FAM20B: variants seen among roughly 807,000 people sequenced by gnomAD.
FAM20B encodes glycosaminoglycan xylosylkinase.
FAM20B carries 23 observed loss-of-function variants against 43.8 expected under a neutral mutation model. That is an observed-to-expected ratio of 0.53 (90% CI 0.38 to 0.74). FAM20B has a LOEUF of 0.74. FAM20B is among the 30% of genes least tolerant of loss of function. The probability of loss-of-function intolerance (pLI) is 0.00; values close to 1 mark genes in which losing one functional copy is unlikely to be tolerated. For synonymous variants in FAM20B, 178 were observed against 192.4 expected, an observed-to-expected ratio of 0.93 and a Z score of 0.62; for missense variants, 440 against 510.5, an observed-to-expected ratio of 0.86 and a Z score of 1.33.
At position 179,074,651 on chromosome 1, in the gene FAM20B, G is replaced by A. The variant is rs191552974; in HGVS notation, c.*2507G>A. The A allele has an allele frequency of 9.9e-5, 15 of 152,232 alleles. No individual in the cohort carries two copies. The highest frequency in any genetic ancestry group is 3.4e-4 in the African/African-American group (14 of 41,556). The allele number at this position is 152,232 out of a possible 1,614,324, so 9.4% of individuals were successfully genotyped here. ...TTTATTCCCATCTGTTTTCAAACTC[G>A]TGATCTTAAAAGGCATTCTGATGAT... On this transcript the variant is annotated 3_prime_UTR_variant, in exon 8 of 8. Transcript: ENST00000263733.
At chr1:179,064,172 C>T in intron 5 of FAM20B, 74 bp downstream of exon 5, 1 of 1,440,586 alleles carries the variant, frequency 6.9e-7, no homozygotes. Flanking sequence ...AAGGAGCCAG[C>T]AGTTCTGTCC....
chr1:179,064,052 C>T lies in FAM20B; in HGVS notation c.700C>T (p.His234Tyr), dbSNP rs749364307. The T allele has an allele frequency of 6.2e-6, 10 of 1,613,938 alleles. No individual in the cohort carries two copies. Among genetic ancestry groups the T allele is most frequent in the Admixed American group, 1.7e-5 (1 of 59,990 alleles). Reference protein sequence around the residue: ...WLPDVWPLQKHRHPWGRTYRE... With the variant: ...WLPDVWPLQKYRHPWGRTYRE... ...TCCAGATGTGTGGCCTCTGCAGAAG[C>T]ACCGTCACCCATGGGGCAGGACTTA... is the stretch of plus-strand genomic sequence containing the variant. The change falls in exon 5 of 8, where the codon CAC becomes TAC. Residue 234 changes from histidine to tyrosine, a missense_variant. By Grantham distance (83) the His-to-Tyr change is moderately conservative. Coordinates refer to ENST00000263733, the MANE Select transcript of FAM20B (RefSeq NM_014864.4).
Position 179,043,808 on chromosome 1 carries a change from T to G in FAM20B, c.-40T>G. ...ATCACCACCAGCTCTCCTTAATACA[T>G]GAGCAAGAGTGGGTCAGGGGAGAAG... On this transcript the variant is annotated 5_prime_UTR_variant, in exon 2 of 8. An upstream start codon of the reference 5' UTR is lost. Transcript: ENST00000263733. 1 of 1,546,540 alleles carries G rather than the reference T, an allele frequency of 6.5e-7. No individual in the cohort carries two copies. The highest frequency in any genetic ancestry group is 8.8e-7 in the Non-Finnish European group (1 of 1,142,224).
intron 6 of FAM20B, among the ~76,000 whole-genome samples, chr1:179,064,778 C>A (rs764678429): frequency 2.0e-5 from 3 of 152,150 alleles, no homozygotes; most frequent in Non-Finnish European, 2.9e-5. Flanking sequence ...CTACCTACAT[C>A]GTTCTTTCTT....
intron 7 of FAM20B, among the ~76,000 whole-genome samples, 181 bp downstream of exon 7, chr1:179,067,040 A>G (rs902219904): frequency 6.6e-6 from 1 of 152,204 alleles, no homozygotes; most frequent in African/African-American, 2.4e-5. Flanking sequence ...GAAGGCAGAT[A>G]ACCCAAAGCT....
intron 1 of FAM20B, among the ~76,000 whole-genome samples, chr1:179,032,118 T>C (rs1422939232): frequency 6.6e-6 from 1 of 152,184 alleles, no homozygotes; most frequent in Non-Finnish European, 1.5e-5. Flanking sequence ...AGTAATGCAA[T>C]GTGTGGATTT....
At chr1:179,063,672 A>G (rs1441554903) in intron 4 of FAM20B, among the ~76,000 whole-genome samples, 1 of 152,232 alleles carries the variant, frequency 6.6e-6, no homozygotes, top group African/African-American at 2.4e-5. Flanking sequence ...AGAGAGTGAG[A>G]CTGGGTAGAA....
chr1:179,031,452 A>G (rs1252802821), intron 1 of FAM20B, among the ~76,000 whole-genome samples: 1 of 152,228 alleles, frequency 6.6e-6, no homozygotes, highest in Non-Finnish European at 1.5e-5. Flanking sequence ...ATCAAGGTTT[A>G]AATGGGACAG....
intron 2 of FAM20B, 151 bp from the exon 3 acceptor site, chr1:179,050,128 A>T: frequency 8.9e-6 from 5 of 560,568 alleles, no homozygotes; most frequent in Non-Finnish European, 1.6e-5. Flanking sequence ...TCTACCGGCA[A>T]TTCATGCTAA....
intron 1 of FAM20B, among the ~76,000 whole-genome samples, chr1:179,043,448 C>CCCAGCTCCTT (rs560078974): frequency 6.6e-6 from 1 of 152,150 alleles, no homozygotes; most frequent in Admixed American, 6.5e-5. Flanking sequence ...CCCACCTGTT[C>CCCAGCTCCTT]CCAGCTCCTT....
intron 3 of FAM20B, among the ~76,000 whole-genome samples, chr1:179,052,876 C>A (rs1038753824): frequency 6.6e-6 from 1 of 152,240 alleles, no homozygotes; most frequent in Non-Finnish European, 1.5e-5. Context: ...TGGAAACCAA[C>A]AGGCATAAAG....
intron 6 of FAM20B, among the ~76,000 whole-genome samples, chr1:179,065,829 T>C (rs994369805): frequency 6.6e-6 from 1 of 152,214 alleles, no homozygotes; most frequent in Non-Finnish European, 1.5e-5. Flanking sequence ...AGAAATGTAT[T>C]GCTTACAGTT....
chr1:179,040,874 C>G (rs1310896581), intron 1 of FAM20B, among the ~76,000 whole-genome samples: 1 of 151,168 alleles, frequency 6.6e-6, no homozygotes, highest in Non-Finnish European at 1.5e-5. Flanking sequence ...GGTTGCCAGG[C>G]AGAGGCTCTC....
At chr1:179,060,006 A>G (rs530437945) in intron 4 of FAM20B, among the ~76,000 whole-genome samples, 27 of 152,040 alleles carry the variant, frequency 1.8e-4, no homozygotes, top group Non-Finnish European at 3.7e-4. Flanking sequence ...AATTCAATGA[A>G]AAATTTTCTC....
intron 7 of FAM20B, among the ~76,000 whole-genome samples, chr1:179,071,303 A>AT (rs1032666582): frequency 6.6e-5 from 10 of 151,760 alleles, no homozygotes; most frequent in African/African-American, 2.4e-4. Context: ...CTCAAAAAAA[A>AT]AATAATAATA....
chr1:179,064,002 T>A lies in FAM20B; in HGVS notation c.650T>A (p.Met217Lys). 1.2e-6 allele frequency: 2 copies of A among 1,613,810 alleles called. No individual in the cohort carries two copies. The highest frequency in any genetic ancestry group is 1.7e-6 in the Non-Finnish European group (2 of 1,179,700). ...CCAGCTTGTGCTGATGGAGACATAA[T>A]GGAGGGATCTGTCACACTTTGGCTT... is the stretch of plus-strand genomic sequence containing the variant. ...TEPACADGDI[M>K]EGSVTLWLPD... Residue 217 changes from methionine (M) to lysine (K), a missense_variant, in exon 5 of 8, where the codon ATG becomes AAG. Physicochemically the swap from Met to Lys is moderately conservative, Grantham distance 95. Transcript: ENST00000263733.
At chr1:179,041,020 A>G (rs140062423) in intron 1 of FAM20B, among the ~76,000 whole-genome samples, 100,551 of 143,810 alleles carry the variant, frequency 0.7, 36,012 homozygotes, top group African/African-American at 0.87. Context: ...GACGATGGGC[A>G]GCCGGGCAGA....
At chr1:179,028,002 C>G (rs1224246534) in intron 1 of FAM20B, among the ~76,000 whole-genome samples, 2 of 152,238 alleles carry the variant, frequency 1.3e-5, no homozygotes, top group Middle Eastern at 3.4e-3. Context: ...TTTCACACAG[C>G]CTTAAAGTTT....
chr1:179,040,153 C>T (rs181317084), intron 1 of FAM20B, among the ~76,000 whole-genome samples: 48 of 152,370 alleles, frequency 3.2e-4, no homozygotes, highest in African/African-American at 1.1e-3. Context: ...GACACGGCAA[C>T]CATCCGACTC....
Sources: gnomAD v4.1 joint callset for allele counts (sites outside exome capture counted in the v4.1 genomes callset) on GRCh38, gnomAD v4.1.1 for gene constraint, MANE v1.5 for transcripts, NCBI Gene and HGNC (gene_info 2026-07-23, HGNC 2026-07-21) for gene names.